The following KCNIP4 variants were observed in gnomAD, a reference collection of about 807,000 sequenced individuals.
KCNIP4 encodes Kv channel-interacting protein 4.
In KCNIP4, 12 loss-of-function variants were observed where a neutral mutation model predicts 34.0. The ratio of observed to expected loss-of-function variants is 0.35; its 90% CI spans 0.23 to 0.57. The LOEUF (loss-of-function observed/expected upper bound fraction) is 0.57. Among genes scored for constraint, KCNIP4 ranks in the 20% least tolerant of loss-of-function variants. The probability of loss-of-function intolerance (pLI) is 0.83; values close to 1 mark genes in which losing one functional copy is unlikely to be tolerated. For synonymous variants in KCNIP4, 124 were observed against 102.2 expected (o/e 1.21, Z -1.29); for missense variants, 238 against 311.7 (o/e 0.76, Z 1.78).
At chr4:20,981,833 T>G (rs1032249876) in intron 1 of KCNIP4, among the ~76,000 whole-genome samples, 1 of 152,178 alleles carries the variant, frequency 6.6e-6, no homozygotes, top group African/African-American at 2.4e-5. Flanking sequence ...CTATAAATAT[T>G]TATGTACATC....
intron 5 of KCNIP4, among the ~76,000 whole-genome samples, chr4:20,740,004 A>T (rs1750672845): frequency 6.6e-6 from 1 of 152,204 alleles, no homozygotes; most frequent in Admixed American, 6.5e-5. Flanking sequence ...GTGATTGAAG[A>T]TCAAGTGAAT....
At chr4:20,925,107 T>C in intron 1 of KCNIP4, among the ~76,000 whole-genome samples, 1 of 152,230 alleles carries the variant, frequency 6.6e-6, no homozygotes, top group East Asian at 1.9e-4. Context: ...ACCATGCTTG[T>C]TGCATAAGAG....
intron 1 of KCNIP4, among the ~76,000 whole-genome samples, chr4:21,919,551 A>G (rs1276342740): frequency 4.6e-5 from 7 of 152,184 alleles, no homozygotes; most frequent in Non-Finnish European, 1.0e-4. Flanking sequence ...TTCCTCCTTG[A>G]TAACAGAAAT....
chr4:21,375,692 G>T (rs954468933), intron 1 of KCNIP4, among the ~76,000 whole-genome samples: 2 of 151,410 alleles, frequency 1.3e-5, no homozygotes, highest in Admixed American at 1.3e-4. Flanking sequence ...TCAGCCTCCC[G>T]AGTAGCTGGG....
intron 1 of KCNIP4, among the ~76,000 whole-genome samples, chr4:21,252,038 G>T (rs1251677759): frequency 2.0e-5 from 3 of 149,692 alleles, no homozygotes; most frequent in African/African-American, 7.3e-5. Context: ...GAAATATAAT[G>T]GGAAAAAAAA....
At chr4:21,804,231 A>G (rs532035840) in intron 1 of KCNIP4, among the ~76,000 whole-genome samples, 2 of 152,328 alleles carry the variant, frequency 1.3e-5, no homozygotes, top group Admixed American at 6.5e-5. Context: ...AATGATGGTA[A>G]AGAAACAGCA....
chr4:20,907,243 T>C (rs1038893389), intron 1 of KCNIP4, among the ~76,000 whole-genome samples: 2 of 152,198 alleles, frequency 1.3e-5, no homozygotes, highest in Non-Finnish European at 2.9e-5. Flanking sequence ...TGAGGAAATT[T>C]ATTACGGTGT....
intron 1 of KCNIP4, among the ~76,000 whole-genome samples, chr4:21,107,670 A>G (rs1748703761): frequency 6.6e-6 from 1 of 151,148 alleles, no homozygotes; most frequent in Non-Finnish European, 1.5e-5. Flanking sequence ...TTTGCTCATT[A>G]GTTGATGCAG....
intron 1 of KCNIP4, among the ~76,000 whole-genome samples, chr4:21,380,865 G>A (rs1415843544): frequency 1.3e-5 from 2 of 151,300 alleles, no homozygotes; most frequent in African/African-American, 4.9e-5. Flanking sequence ...CACACGAATT[G>A]GCTTGAAAAA....
chr4:21,397,517 C>T (rs1017894645), intron 1 of KCNIP4, among the ~76,000 whole-genome samples: 2 of 152,236 alleles, frequency 1.3e-5, no homozygotes, highest in Non-Finnish European at 2.9e-5. Context: ...CAAACCTCCA[C>T]ATTTTGTACA....
chr4:21,607,533 G>T (rs1355029940), intron 1 of KCNIP4, among the ~76,000 whole-genome samples: 3 of 151,758 alleles, frequency 2.0e-5, no homozygotes, highest in Non-Finnish European at 4.4e-5. Context: ...GGAGATCCCA[G>T]AATCAAATCA....
intron 2 of KCNIP4, among the ~76,000 whole-genome samples, chr4:20,861,273 T>G (rs1400556980): frequency 6.6e-6 from 1 of 152,196 alleles, no homozygotes; most frequent in East Asian, 1.9e-4. Context: ...ATTGCAAGAA[T>G]GCAGAGGTCT....
intron 1 of KCNIP4, among the ~76,000 whole-genome samples, chr4:21,366,923 T>C (rs1719834464): frequency 6.6e-6 from 1 of 152,126 alleles, no homozygotes; most frequent in South Asian, 2.1e-4. Context: ...TAATCACCAA[T>C]GTGTTAGTAT....
At chr4:21,755,790 T>C (rs957952409) in intron 1 of KCNIP4, among the ~76,000 whole-genome samples, 2 of 152,188 alleles carry the variant, frequency 1.3e-5, no homozygotes, top group African/African-American at 2.4e-5. Flanking sequence ...GGTATTAATA[T>C]TGTTTTCAAA....
chr4:21,560,826 C>A (rs1162956738), intron 1 of KCNIP4, among the ~76,000 whole-genome samples: 1 of 151,708 alleles, frequency 6.6e-6, no homozygotes, highest in Admixed American at 6.6e-5. Flanking sequence ...TTTCTGTAAC[C>A]CTCTAGGAGG....
chr4:20,820,331 T>C (rs910489288), intron 3 of KCNIP4, among the ~76,000 whole-genome samples: 1 of 152,198 alleles, frequency 6.6e-6, no homozygotes, highest in Non-Finnish European at 1.5e-5. Context: ...TGTCTGTGTC[T>C]TAGTGCTTAG....
At chr4:21,862,253 T>G (rs1029895082) in intron 1 of KCNIP4, among the ~76,000 whole-genome samples, 3 of 152,174 alleles carry the variant, frequency 2.0e-5, no homozygotes, top group African/African-American at 7.2e-5. Flanking sequence ...GCATGCTTAG[T>G]GTCCATCCAT....
intron 1 of KCNIP4, chr4:21,697,642 T>C: frequency 7.6e-7 from 1 of 1,312,188 alleles, no homozygotes; most frequent in African/African-American, 1.5e-5. Flanking sequence ...GCTACAACAG[T>C]AACAGGGAGG....
intron 1 of KCNIP4, among the ~76,000 whole-genome samples, chr4:21,293,881 A>G (rs1021054033): frequency 6.6e-6 from 1 of 152,158 alleles, no homozygotes; most frequent in Middle Eastern, 3.2e-3. Context: ...CTTCAAACCT[A>G]ATTCTGCCTC....
Sources: gnomAD v4.1 joint callset for allele counts (sites outside exome capture counted in the v4.1 genomes callset) on GRCh38, gnomAD v4.1.1 for gene constraint, MANE v1.5 for transcripts, NCBI Gene and HGNC (gene_info 2026-07-23, HGNC 2026-07-21) for gene names.